SYNE3: variants seen among roughly 807,000 people sequenced by gnomAD.
The protein encoded by SYNE3 is nesprin-3.
SYNE3 carries 100 observed loss-of-function variants against 111.2 expected under a neutral mutation model. That is an observed-to-expected ratio of 0.90 (90% CI 0.77 to 1.06). The LOEUF (loss-of-function observed/expected upper bound fraction) is 1.06. SYNE3 is among the 50% of genes least tolerant of loss of function. SYNE3 has a pLI of 0.00. For missense variants in SYNE3, 1,160 were observed against 1,240.3 expected, an observed-to-expected ratio of 0.94 and a Z score of 0.97; for synonymous variants, 547 against 533.9, an observed-to-expected ratio of 1.02 and a Z score of -0.34.
chr14:95,467,311 C>T (rs1427547889), intron 3 of SYNE3, among the ~76,000 whole-genome samples: 1 of 152,200 alleles, frequency 6.6e-6, no homozygotes, highest in Non-Finnish European at 1.5e-5. Context: ...TTGATTACTC[C>T]CATTGTCCAG....
intron 2 of SYNE3, among the ~76,000 whole-genome samples, chr14:95,474,744 A>C (rs1420151460): frequency 6.6e-6 from 1 of 152,232 alleles, no homozygotes; most frequent in Non-Finnish European, 1.5e-5. Context: ...CACAGTGCAC[A>C]GAATCGAGAA....
At position 95,450,120 on chromosome 14, in the gene SYNE3, G is replaced by C. The variant is rs1435794944; in HGVS notation, c.1275-15C>G. 1 of 1,567,370 alleles carries C rather than the reference G, an allele frequency of 6.4e-7. No individual in the cohort carries two copies. The highest frequency in any genetic ancestry group is 8.7e-7 in the Non-Finnish European group (1 of 1,154,784). ...TCACCTTCAGGCTGCAAGGAGCGTGGAGGGAGAAAATGAGGGAGGAGAGAG... is the reference window on the plus strand; with the variant it reads ...TCACCTTCAGGCTGCAAGGAGCGTGCAGGGAGAAAATGAGGGAGGAGAGAG... On this transcript the variant is annotated splice_polypyrimidine_tract_variant and intron_variant, in intron 7 of 17. Coordinates refer to ENST00000682763, the MANE Select transcript of SYNE3 (RefSeq NM_152592.6).
chr14:95,459,089 C>T (rs1358001087), intron 4 of SYNE3, among the ~76,000 whole-genome samples: 1 of 152,180 alleles, frequency 6.6e-6, no homozygotes, highest in Admixed American at 6.5e-5. Flanking sequence ...TTTAGCTTGG[C>T]CTGCCATATG....
chr14:95,450,492 T>C (rs1241774970), intron 7 of SYNE3: 2 of 177,168 alleles, frequency 1.1e-5, no homozygotes, highest in Non-Finnish European at 2.4e-5. Context: ...CTGGGCAACA[T>C]AGCAAGACCC....
At chr14:95,431,730 G>C (rs1885776674) in intron 17 of SYNE3, among the ~76,000 whole-genome samples, 1 of 152,228 alleles carries the variant, frequency 6.6e-6, no homozygotes. Context: ...TCCTGGGACA[G>C]TCCCGGTTCA....
intron 1 of SYNE3, among the ~76,000 whole-genome samples, chr14:95,476,731 G>C (rs1012576863): frequency 1.3e-5 from 2 of 152,236 alleles, no homozygotes; most frequent in Non-Finnish European, 2.9e-5. Flanking sequence ...TATTCAAAGG[G>C]ATTGTGTCTG....
chr14:95,503,596 T>C (rs370126704), intron 1 of SYNE3, among the ~76,000 whole-genome samples: 85 of 151,760 alleles, frequency 5.6e-4, no homozygotes, highest in African/African-American at 2.0e-3. Context: ...GATTGAGACT[T>C]GTTTCAGAAC....
At chr14:95,512,901 C>T (rs889283324) in intron 1 of SYNE3, among the ~76,000 whole-genome samples, 1 of 151,904 alleles carries the variant, frequency 6.6e-6, no homozygotes, top group Non-Finnish European at 1.5e-5. Flanking sequence ...AAAAATAACA[C>T]TCACAAGCCT....
chr14:95,516,471 C>T (rs179147), intron 1 of SYNE3, among the ~76,000 whole-genome samples, 125 bp downstream of exon 1: 4 of 151,866 alleles, frequency 2.6e-5, no homozygotes, highest in African/African-American at 7.3e-5. Flanking sequence ...GTCCCCCAGA[C>T]TTTCGGCGCC....
chr14:95,506,503 T>A (rs1020493598), intron 1 of SYNE3, among the ~76,000 whole-genome samples: 3 of 152,218 alleles, frequency 2.0e-5, no homozygotes, highest in African/African-American at 7.2e-5. Context: ...GGCATGAGCA[T>A]CGGCCAGCAA....
intron 1 of SYNE3, among the ~76,000 whole-genome samples, chr14:95,515,930 G>A (rs1890906507): frequency 6.6e-6 from 1 of 152,200 alleles, no homozygotes; most frequent in Non-Finnish European, 1.5e-5. Context: ...TGCTGTTTGG[G>A]GTCAAGATCC....
chr14:95,426,695 C>A (rs1261504513), intron 17 of SYNE3, among the ~76,000 whole-genome samples: 1 of 151,676 alleles, frequency 6.6e-6, no homozygotes, highest in African/African-American at 2.4e-5. Context: ...AATAGTTATA[C>A]TATTGGGAGA....
chr14:95,458,158 T>C (rs766705165), intron 4 of SYNE3, among the ~76,000 whole-genome samples: 4 of 152,228 alleles, frequency 2.6e-5, no homozygotes, highest in Non-Finnish European at 5.9e-5. Context: ...AAACATGCCC[T>C]GATCACAGTG....
chr14:95,463,766 C>T (rs940969469), intron 4 of SYNE3, among the ~76,000 whole-genome samples: 4 of 152,240 alleles, frequency 2.6e-5, no homozygotes, highest in Non-Finnish European at 5.9e-5. Context: ...CTCTGGGGCC[C>T]TGCGGGTTGC....
chr14:95,432,151 A>T (rs569765340), intron 16 of SYNE3, 34 bp from the exon 17 acceptor site: 3 of 1,598,748 alleles, frequency 1.9e-6, no homozygotes, highest in South Asian at 2.2e-5. Context: ...AAAAGGGGGG[A>T]AAAAAATAAG....
Position 95,416,807 on chromosome 14 carries a change from C to A in SYNE3, c.*1019G>T, listed in dbSNP as rs944739396. The A allele has an allele frequency of 1.3e-5, 2 of 152,304 alleles. No individual in the cohort carries two copies. The highest frequency in any genetic ancestry group is 2.9e-5 in the Non-Finnish European group (2 of 68,112). 9.4% of individuals were successfully genotyped at this position (152,304 alleles called of 1,614,324 possible). On this transcript the variant is annotated 3_prime_UTR_variant, in exon 18 of 18. Coordinates refer to ENST00000682763, the MANE Select transcript of SYNE3 (RefSeq NM_152592.6). ...TGGACCCTCGATCCCTGGCCCCTGGCGTGGCAGATGCTTCCCTTCTCACCT... is the reference window on the plus strand; with the variant it reads ...TGGACCCTCGATCCCTGGCCCCTGGAGTGGCAGATGCTTCCCTTCTCACCT...
At position 95,500,037 on chromosome 14, in the gene SYNE3, T is replaced by G. The variant is rs1890275546; in HGVS notation, c.-15+16559A>C. Among the ~76,000 whole-genome samples, 1 of 151,994 alleles carries G rather than the reference T, an allele frequency of 6.6e-6. No homozygotes were observed. Among genetic ancestry groups the G allele is most frequent in the African/African-American group, 2.4e-5 (1 of 41,350 alleles). On this transcript the variant is annotated intron_variant, in intron 1 of 17. Coordinates refer to ENST00000682763, the MANE Select transcript of SYNE3 (RefSeq NM_152592.6). This position sits in a 1 kb window ranked among gnomAD's most constrained non-coding sequence, Gnocchi z 4.7. ...ACCACACCCGACTAATTTTTTTATT[T>G]TTAGTAGAGACGGAGTTTCACCATG...
chr14:95,457,247 A>T lies in SYNE3; in HGVS notation c.719T>A (p.Val240Glu), dbSNP rs752402746. 2 of 1,613,918 alleles carry T rather than the reference A, an allele frequency of 1.2e-6. No individual in the cohort carries two copies. Among genetic ancestry groups the T allele is most frequent in the Non-Finnish European group, 1.7e-6 (2 of 1,180,018 alleles). Residue 240 changes from valine to glutamate, a missense_variant, in exon 5 of 18, where the codon GTG becomes GAG. Val to Glu is a moderately radical substitution (Grantham distance 121). Coordinates refer to ENST00000682763, the MANE Select transcript of SYNE3 (RefSeq NM_152592.6). ...DEFQLWLKAVVEKVNGCLGRN... is the reference protein window; with the variant it reads ...DEFQLWLKAVEEKVNGCLGRN... The stretch of plus-strand genomic sequence containing the variant: ...CCCCAGGCAGCCATTCACCTTCTCC[A>T]CCACCGCCTTCAGCCACAGTTGGAA...
chr14:95,487,667 C>T (rs1889617156), intron 1 of SYNE3, among the ~76,000 whole-genome samples: 1 of 152,196 alleles, frequency 6.6e-6, no homozygotes, highest in African/African-American at 2.4e-5. Flanking sequence ...TACCCGCCTC[C>T]CCTTTAAGCT....
Sources: gnomAD v4.1 joint callset for allele counts (sites outside exome capture counted in the v4.1 genomes callset) on GRCh38, gnomAD v4.1.1 for gene constraint, Gnocchi (gnomAD v3.1) non-coding constraint, MANE v1.5 for transcripts, NCBI Gene and HGNC (gene_info 2026-07-23, HGNC 2026-07-21) for gene names.